The following EFHC2 variants were observed in gnomAD, a reference collection of about 807,000 sequenced individuals.
EFHC2 encodes the protein EF-hand domain containing 2, also known as EF-hand domain-containing family member C2.
In EFHC2, 18 loss-of-function variants were observed where a neutral mutation model predicts 52.7. The observed-to-expected ratio is 0.34, with a 90% CI of 0.24 to 0.51. EFHC2 has a LOEUF of 0.51. Among genes scored for constraint, EFHC2 ranks in the 20% least tolerant of loss-of-function variants. EFHC2 has a pLI of 0.97. For synonymous variants in EFHC2, 203 were observed against 204.1 expected, an observed-to-expected ratio of 0.99 and a Z score of 0.04; for missense variants, 513 against 562.5, an observed-to-expected ratio of 0.91 and a Z score of 0.89.
At chrX:44,246,322 C>T (rs774729914) in intron 7 of EFHC2, among the ~76,000 whole-genome samples, 105 of 112,181 alleles carry the variant, frequency 9.4e-4, no homozygotes, top group Middle Eastern at 4.6e-3. Context: ...TCTTTACTTA[C>T]ATTAAGTACA....
chrX:44,333,000 A>C (rs5906921), intron 1 of EFHC2, among the ~76,000 whole-genome samples: 10,220 of 111,493 alleles, frequency 0.092, 684 homozygotes, highest in African/African-American at 0.23. Flanking sequence ...ATTCCAGAGA[A>C]GATTCCCCCA....
chrX:44,214,918 G>GT (rs1198483273), intron 11 of EFHC2, among the ~76,000 whole-genome samples: 2 of 111,771 alleles, frequency 1.8e-5, no homozygotes, highest in Non-Finnish European at 3.8e-5. Context: ...AACTTATGAT[G>GT]TGGTTTGGTT....
intron 7 of EFHC2, among the ~76,000 whole-genome samples, chrX:44,247,224 T>C (rs989886932): frequency 8.9e-6 from 1 of 112,319 alleles, no homozygotes. Flanking sequence ...AGAGTAAAAC[T>C]GTAAGCCTTT....
chrX:44,260,820 G>A (rs748124416), intron 4 of EFHC2, among the ~76,000 whole-genome samples: 3 of 112,174 alleles, frequency 2.7e-5, no homozygotes, highest in African/African-American at 9.7e-5. Context: ...TCTCACCTGT[G>A]CAGTTCACTG....
At position 44,192,935 on chromosome X, in the gene EFHC2, C is replaced by T. The variant is rs138165038; in HGVS notation, c.1752-14371G>A. Among the ~76,000 whole-genome samples, 464 of 110,664 alleles carry T rather than the reference C, an allele frequency of 4.2e-3. 15 individuals are homozygous for T. In the East Asian group the frequency reaches 0.099, roughly 24 times the overall value. On this transcript the variant is annotated intron_variant, in intron 11 of 14. Coordinates refer to ENST00000420999, the MANE Select transcript of EFHC2 (RefSeq NM_025184.4). ...ATCTGAATGGACCCCTCCTCTCAAC[C>T]AAGGGCATTCCAAAGTTAACCTGAA...
intron 1 of EFHC2, among the ~76,000 whole-genome samples, chrX:44,331,952 G>A (rs939313335): frequency 4.6e-4 from 50 of 109,860 alleles, no homozygotes; most frequent in African/African-American, 1.7e-3. Flanking sequence ...AAAGAAAAAT[G>A]TTACCATTGG....
intron 13 of EFHC2, among the ~76,000 whole-genome samples, chrX:44,168,356 C>T (rs2036714392): frequency 9.0e-6 from 1 of 110,929 alleles, no homozygotes. Flanking sequence ...CACAGTGAAA[C>T]CCCGTCTCTA....
At chrX:44,178,600 A>G (rs1361996738) in intron 11 of EFHC2, 36 bp from the exon 12 acceptor site, 2 of 1,038,321 alleles carry the variant, frequency 1.9e-6, no homozygotes, top group African/African-American at 3.8e-5. Flanking sequence ...ATAAACTGAT[A>G]TCTAAGAATA....
intron 8 of EFHC2, among the ~76,000 whole-genome samples, chrX:44,238,360 A>G (rs1304251772): frequency 2.7e-5 from 3 of 111,661 alleles, no homozygotes; most frequent in Non-Finnish European, 5.6e-5. Flanking sequence ...GGACTACTGC[A>G]GTAGCTTCTT....
At chrX:44,232,753 A>C in intron 9 of EFHC2, 76 bp from the exon 10 acceptor site, 1 of 955,317 alleles carries the variant, frequency 1.0e-6, no homozygotes, top group East Asian at 3.4e-5. Context: ...GAGTTACTTT[A>C]TCTTCAAGCA....
intron 2 of EFHC2, among the ~76,000 whole-genome samples, chrX:44,304,793 A>T (rs1452802923): frequency 9.5e-6 from 1 of 105,096 alleles, no homozygotes; most frequent in Non-Finnish European, 2.0e-5. Flanking sequence ...TAGTACACAC[A>T]CTGTGTTTCT....
rs188599610 is a variant in EFHC2 at position 44,178,530 on chromosome X, C to T, written c.1786G>A (p.Ala596Thr). Residue 596 changes from alanine to threonine, a missense_variant, in exon 12 of 15, where the codon GCA becomes ACA. Ala to Thr is a moderately conservative substitution (Grantham distance 58, BLOSUM62 0). Coordinates refer to ENST00000420999, the MANE Select transcript of EFHC2 (RefSeq NM_025184.4). ...GCAATGGTTACAAATTCTTGCTCTG[C>T]AAGGTTTCCAACAGTCAAAGACATC... The part of the protein sequence containing the change: ...ILMSLTVGNL[A>T]EQEFVTIARH... 1.5e-4 allele frequency: 185 copies of T among 1,197,995 alleles called. No individual in the cohort carries two copies. The African/African-American group carries it at 3.0e-3, about 19-fold the overall frequency.
intron 1 of EFHC2, among the ~76,000 whole-genome samples, chrX:44,327,768 C>A (rs887697740): frequency 9.0e-5 from 10 of 111,299 alleles, no homozygotes; most frequent in African/African-American, 3.3e-4. Context: ...CTAAATCACT[C>A]AAAAACTAAC....
At chrX:44,218,262 T>C (rs775862184) in intron 11 of EFHC2, among the ~76,000 whole-genome samples, 265 of 111,450 alleles carry the variant, frequency 2.4e-3, no homozygotes, top group Non-Finnish European at 3.0e-3. Flanking sequence ...AAGGAAACTA[T>C]TGAAAACTAT....
rs760370644 is a variant in EFHC2, at chrX:44,171,877, GAC to G, written c.2042+4413_2042+4414del. 5.1e-3 allele frequency among the ~76,000 whole-genome samples: 562 copies of G among 111,080 alleles called. 2 individuals carry two copies. The highest frequency in any genetic ancestry group is 7.1e-3 in the Non-Finnish European group (378 of 52,958). ...GCACACAAAGGAGGAAAAAGGGAGA[GAC>G]AGAGAGACAGAGAGAAGGGGCTTCT... On this transcript the variant is annotated intron_variant, in intron 13 of 14. Transcript: ENST00000420999.
chrX:44,233,803 C>G (rs1017574148), intron 9 of EFHC2, among the ~76,000 whole-genome samples: 3 of 111,520 alleles, frequency 2.7e-5, no homozygotes, highest in African/African-American at 9.8e-5. Context: ...GTTCTTAAAT[C>G]AATCTTCAGG....
chrX:44,230,291 C>T (rs2037266227), intron 10 of EFHC2, among the ~76,000 whole-genome samples: 1 of 112,038 alleles, frequency 8.9e-6, no homozygotes, highest in African/African-American at 3.2e-5. Context: ...GGGCCGTCCA[C>T]TGTTCCTGTC....
intron 3 of EFHC2, among the ~76,000 whole-genome samples, chrX:44,269,038 G>A (rs746582561): frequency 5.2e-4 from 57 of 110,054 alleles, no homozygotes; most frequent in Non-Finnish European, 8.1e-4. Flanking sequence ...ACTAATCTTC[G>A]TCTTTTCCCA....
At chrX:44,293,561 A>G (rs1052660922) in intron 2 of EFHC2, among the ~76,000 whole-genome samples, 6 of 111,857 alleles carry the variant, frequency 5.4e-5, no homozygotes, top group Admixed American at 1.9e-4. Flanking sequence ...CATAATCAGC[A>G]TACCATTAAA....
Sources: gnomAD v4.1 joint callset for allele counts (sites outside exome capture counted in the v4.1 genomes callset) on GRCh38, gnomAD v4.1.1 for gene constraint, MANE v1.5 for transcripts, NCBI Gene and HGNC (gene_info 2026-07-23, HGNC 2026-07-21) for gene names.